BCAR3: variants seen among roughly 807,000 people sequenced by gnomAD.
The protein encoded by BCAR3 is BCAR3 adaptor protein, NSP family member, also known as breast cancer anti-estrogen resistance protein 3.
Under a neutral mutation model 80.1 loss-of-function variants are expected in BCAR3, and 37 were observed. The observed-to-expected ratio is 0.46, with a 90% confidence interval of 0.36 to 0.61. BCAR3 has a LOEUF of 0.61. Among genes scored for constraint, BCAR3 ranks in the 20% least tolerant of loss-of-function variants. BCAR3 has a pLI of 0.00. For synonymous variants in BCAR3, 389 were observed against 418.9 expected (o/e 0.93, Z 0.87); for missense variants, 978 against 1,068.2 (o/e 0.92, Z 1.18).
At chr1:93,567,691 T>C (rs1673013092) in intron 10 of BCAR3, 49 bp downstream of exon 10, 1 of 1,545,532 alleles carries the variant, frequency 6.5e-7, no homozygotes, top group African/African-American at 1.4e-5. Context: ...GTACTTGTAC[T>C]CCACTCCCCA....
chr1:93,641,438 G>C (rs1378126533), intron 3 of BCAR3, among the ~76,000 whole-genome samples: 1 of 152,210 alleles, frequency 6.6e-6, no homozygotes, highest in Non-Finnish European at 1.5e-5. Context: ...CAAAAAATAA[G>C]TATGTTGTCA....
intron 2 of BCAR3, among the ~76,000 whole-genome samples, chr1:93,727,306 G>A (rs1042499273): frequency 6.6e-6 from 1 of 152,126 alleles, no homozygotes; most frequent in South Asian, 2.1e-4. Context: ...CTAGCCCAAG[G>A]CTTTTTCTTC....
intron 2 of BCAR3, among the ~76,000 whole-genome samples, chr1:93,645,746 G>T (rs1676134717): frequency 6.7e-6 from 1 of 149,634 alleles, no homozygotes; most frequent in African/African-American, 2.4e-5. Flanking sequence ...ATATATACAT[G>T]ATATATAAAT....
intron 2 of BCAR3, among the ~76,000 whole-genome samples, chr1:93,840,968 C>A (rs1370226623): frequency 2.6e-5 from 4 of 152,142 alleles, no homozygotes; most frequent in Non-Finnish European, 4.4e-5. Flanking sequence ...GTGCTCCCCC[C>A]ACTTTCCTCC....
intron 2 of BCAR3, among the ~76,000 whole-genome samples, chr1:93,798,880 T>C (rs531025430): frequency 6.6e-6 from 1 of 152,132 alleles, no homozygotes. Flanking sequence ...TGTATGCTGT[T>C]CCATACAGTC....
At chr1:93,759,228 T>C (rs1031911965) in intron 2 of BCAR3, among the ~76,000 whole-genome samples, 1 of 152,150 alleles carries the variant, frequency 6.6e-6, no homozygotes, top group Non-Finnish European at 1.5e-5. Context: ...ACCATTATGA[T>C]AACAGGAAGG....
intron 2 of BCAR3, among the ~76,000 whole-genome samples, chr1:93,809,446 A>G (rs982642337): frequency 6.6e-6 from 1 of 152,092 alleles, no homozygotes; most frequent in Admixed American, 6.6e-5. Flanking sequence ...TTCTCACGAT[A>G]AAGTCTTTGG....
At chr1:93,611,060 C>A (rs189142351) in intron 3 of BCAR3, among the ~76,000 whole-genome samples, 1 of 152,306 alleles carries the variant, frequency 6.6e-6, no homozygotes, top group Admixed American at 6.5e-5. Flanking sequence ...TATTGCCCTG[C>A]TCACCTCACA....
intron 11 of BCAR3, among the ~76,000 whole-genome samples, chr1:93,567,027 C>T (rs1187689785): frequency 6.6e-6 from 1 of 152,170 alleles, no homozygotes; most frequent in Non-Finnish European, 1.5e-5. Context: ...CACGCCCGGC[C>T]CCAGTTCTTT....
rs1232637474 is a variant in BCAR3, at chr1:93,567,772, T to G, written c.2054A>C (p.Lys685Thr). The G allele has an allele frequency of 6.2e-7, 1 of 1,614,234 alleles. No homozygotes were observed. Among genetic ancestry groups the G allele is most frequent in the Non-Finnish European group, 8.5e-7 (1 of 1,180,026 alleles). Residue 685 changes from lysine to threonine, a missense_variant, in exon 10 of 12, where the codon AAG becomes ACG. Coordinates refer to ENST00000260502, the MANE Select transcript of BCAR3 (RefSeq NM_003567.4). ...QTAILYEKQLKPFSKLLHEGR... is the reference protein window; with the variant it reads ...QTAILYEKQLTPFSKLLHEGR... ...TTCATGCAGGAGTTTGCTGAAGGGC[T>G]TCAGCTGTTTCTCATAGAGAATGGC... is the stretch of plus-strand genomic sequence containing the variant.
chr1:93,841,094 G>A (rs149778925), intron 2 of BCAR3, among the ~76,000 whole-genome samples: 1 of 152,244 alleles, frequency 6.6e-6, no homozygotes, highest in African/African-American at 2.4e-5. Context: ...CAGCAGACTA[G>A]GCTGCAGAAG....
At chr1:93,690,786 G>C (rs1649160699) in intron 3 of BCAR3, among the ~76,000 whole-genome samples, 1 of 152,196 alleles carries the variant, frequency 6.6e-6, no homozygotes, top group African/African-American at 2.4e-5. Flanking sequence ...GTGAGCACTT[G>C]ATAAATGTAG....
At chr1:93,694,805 A>G (rs1571051819) in intron 3 of BCAR3, among the ~76,000 whole-genome samples, 1 of 152,310 alleles carries the variant, frequency 6.6e-6, no homozygotes, top group East Asian at 1.9e-4. Context: ...GTAATCCACC[A>G]AACACTGTTC....
At position 93,624,723 on chromosome 1, in the gene BCAR3, C is replaced by T. The variant is rs559354108; in HGVS notation, c.357+17581G>A. On this transcript the variant is annotated intron_variant, in intron 3 of 11. Transcript: ENST00000260502. Reference sequence around the variant, plus strand: ...CTAAGATGTGCAGTAAGTGTGCATGCATATTTCTAGAGACGTGGCTCTTGT... The same window carrying T: ...CTAAGATGTGCAGTAAGTGTGCATGTATATTTCTAGAGACGTGGCTCTTGT... Among the ~76,000 whole-genome samples, 7 of 152,356 alleles carry T rather than the reference C, an allele frequency of 4.6e-5. 1 individual carries two copies. In the South Asian group the frequency reaches 8.3e-4, roughly 18 times the overall value.
rs1200049516 is a variant in BCAR3 at position 93,592,126 on chromosome 1, A to C, written c.486+139T>G. ...GTCTTCTTAGAGAAGGGTCTAAATG[A>C]AGTCATTTTTAGAGTATTTGTTTTT... On this transcript the variant is annotated intron_variant, in intron 4 of 11. Transcript: ENST00000260502. The surrounding 1 kb of genome is among the most constrained non-coding windows in gnomAD (Gnocchi z 4.8). 8 of 1,237,468 alleles carry C rather than the reference A, an allele frequency of 6.5e-6. 1 individual carries two copies. The Admixed American group carries it at 7.4e-5, about 11-fold the overall frequency. The allele number at this position is 1,237,468 out of a possible 1,614,324, so 76.7% of individuals were successfully genotyped here. A position where few individuals can be genotyped will look rare whatever the true frequency, so the allele number is the denominator to read the frequency against.
chr1:93,796,790 T>C (rs1303161124), intron 2 of BCAR3, among the ~76,000 whole-genome samples: 1 of 152,208 alleles, frequency 6.6e-6, no homozygotes, highest in Admixed American at 6.5e-5. Flanking sequence ...GATTTCAGGA[T>C]TCCAGATGTT....
At chr1:93,745,333 C>T (rs1651317727) in intron 2 of BCAR3, among the ~76,000 whole-genome samples, 1 of 152,236 alleles carries the variant, frequency 6.6e-6, no homozygotes, top group Admixed American at 6.5e-5. Context: ...GTTCACCCTT[C>T]AGCAAATGAA....
intron 2 of BCAR3, among the ~76,000 whole-genome samples, chr1:93,757,977 G>A (rs967621379): frequency 3.3e-5 from 5 of 152,214 alleles, no homozygotes; most frequent in Admixed American, 3.3e-4. Context: ...CTCACGGGGA[G>A]CTCTGAAGCC....
intron 2 of BCAR3, among the ~76,000 whole-genome samples, chr1:93,844,953 CACACTGTCTGCTA>C (rs1485890670): frequency 2.0e-5 from 3 of 152,094 alleles, no homozygotes; most frequent in Admixed American, 2.0e-4. Context: ...CTGGCTTTCC[CACACTGTCTGCTA>C]ACACTGTATC....
Sources: allele counts gnomAD v4.1 joint callset (sites outside exome capture counted in the v4.1 genomes callset), GRCh38; gene constraint gnomAD v4.1.1; non-coding constraint Gnocchi (gnomAD v3.1); transcripts MANE v1.5; gene names NCBI Gene and HGNC (gene_info 2026-07-23, HGNC 2026-07-21).